Variants in SH3PXD2B observed in about 807,000 individuals in gnomAD.
SH3PXD2B encodes SH3 and PX domain-containing protein 2B.
Under a neutral mutation model 73.1 loss-of-function variants are expected in SH3PXD2B, and 37 were observed. The observed-to-expected ratio is 0.51, with a 90% CI of 0.39 to 0.67. The LOEUF (loss-of-function observed/expected upper bound fraction) is 0.67, where lower values mean the gene tolerates loss of function less well. Among genes scored for constraint, SH3PXD2B ranks in the 30% least tolerant of loss-of-function variants. The pLI is 0.00. For missense variants in SH3PXD2B, 1,053 were observed against 1,197.8 expected, an observed-to-expected ratio of 0.88 and a Z score of 1.78; for synonymous variants, 457 against 480.5, an observed-to-expected ratio of 0.95 and a Z score of 0.64.
chr5:172,399,750 C>A (rs1486259532), intron 3 of SH3PXD2B, among the ~76,000 whole-genome samples: 1 of 152,212 alleles, frequency 6.6e-6, no homozygotes, highest in East Asian at 1.9e-4. Flanking sequence ...CACTCAATCT[C>A]GCTTACACTG....
chr5:172,368,883 T>TA (rs1223210493), intron 6 of SH3PXD2B, among the ~76,000 whole-genome samples: 39 of 131,454 alleles, frequency 3.0e-4, no homozygotes, highest in Middle Eastern at 3.7e-3. Context: ...ATATATAATA[T>TA]AAAAAAAAAT....
At chr5:172,346,463 T>C (rs116315878) in intron 11 of SH3PXD2B, among the ~76,000 whole-genome samples, 1 of 151,804 alleles carries the variant, frequency 6.6e-6, no homozygotes, top group East Asian at 1.9e-4. Flanking sequence ...AGCTTTAGGG[T>C]GATGGGAAGA....
intron 2 of SH3PXD2B, among the ~76,000 whole-genome samples, chr5:172,414,456 TAAAAAAAAAAAAAAA>T (rs1007937801): frequency 3.9e-5 from 3 of 77,554 alleles, no homozygotes; most frequent in Non-Finnish European, 5.0e-5. Flanking sequence ...GACTCCATCT[TAAAAAAAAAAAAAAA>T]AAAAAAAAAA....
Position 172,350,310 on chromosome 5 carries a change from G to A in SH3PXD2B, c.1012+53C>T, listed in dbSNP as rs1051406390. The A allele has an allele frequency of 6.3e-6, 10 of 1,575,778 alleles. No homozygotes were observed. The African/African-American group carries it at 1.3e-4, about 21-fold the overall frequency. On this transcript the variant is annotated intron_variant, in intron 10 of 12. Coordinates refer to ENST00000311601, the MANE Select transcript of SH3PXD2B (RefSeq NM_001017995.3). Reference sequence around the variant, plus strand: ...GACGATGTGAGACGCCTTGAGCACAGAGCTGGCACACAGGGGCCCTGATTA... The same window carrying A: ...GACGATGTGAGACGCCTTGAGCACAAAGCTGGCACACAGGGGCCCTGATTA...
At chr5:172,403,800 CAT>C (rs1758488580) in intron 3 of SH3PXD2B, among the ~76,000 whole-genome samples, 1 of 152,256 alleles carries the variant, frequency 6.6e-6, no homozygotes, top group Admixed American at 6.5e-5. Context: ...AGGACTCTAA[CAT>C]GTGAAACCAA....
rs1756726789 is a variant in SH3PXD2B, at chr5:172,337,354, T to C, written c.*1015A>G. ...CACAGGCACTGAAGTCAGGCAGGCC[T>C]GGACTCAAATCCTCTTCCCTCTTCC... On this transcript the variant is annotated 3_prime_UTR_variant, in exon 13 of 13. Transcript: ENST00000311601. The C allele has an allele frequency of 2.0e-6, 2 of 985,200 alleles. No individual in the cohort carries two copies. The highest frequency in any genetic ancestry group is 3.5e-5 in the African/African-American group (2 of 57,242). 61.0% of individuals were successfully genotyped at this position (985,200 alleles called of 1,614,324 possible).
chr5:172,360,619 G>C (rs946753016), intron 7 of SH3PXD2B, among the ~76,000 whole-genome samples: 1 of 152,216 alleles, frequency 6.6e-6, no homozygotes, highest in Non-Finnish European at 1.5e-5. Flanking sequence ...ATCACCTGAG[G>C]TCAGTAGTTC....
rs768640465 is a variant in SH3PXD2B, at chr5:172,339,403, G to A, written c.1702C>T (p.His568Tyr). 1.9e-6 allele frequency: 3 copies of A among 1,614,080 alleles called. No individual in the cohort carries two copies. The African/African-American group carries it at 4.0e-5, about 22-fold the overall frequency. Residue 568 changes from histidine to tyrosine, a missense_variant, in exon 13 of 13, where the codon CAC (histidine) becomes TAC (tyrosine). This residue lies in a region of SH3PXD2B where 587 missense variants were observed against 590.7 expected (regional missense o/e 0.99). Transcript: ENST00000311601. This position sits in a 1 kb window ranked among gnomAD's most constrained non-coding sequence, Gnocchi z 6.1. ...CTGCTGTCCCGGGCTGGAGGGATGT[G>A]TTTGGCTGGCATCATCGGCAAAATC... ...GVILPMMPAK[H>Y]IPPARDSRRP... is the part of the protein sequence containing the mutation.
downstream of SH3PXD2B, among the ~76,000 whole-genome samples, chr5:172,332,627 CAAG>C (rs1299019218): frequency 1.3e-5 from 2 of 152,006 alleles, no homozygotes; most frequent in Admixed American, 6.6e-5. Context: ...GCAAGGTCTG[CAAG>C]AAGGTTGTTA....
At chr5:172,437,775 C>T (rs1759428126) in intron 1 of SH3PXD2B, among the ~76,000 whole-genome samples, 1 of 152,172 alleles carries the variant, frequency 6.6e-6, no homozygotes, top group South Asian at 2.1e-4. Flanking sequence ...GGGCTGTGTT[C>T]CTACTGCACT....
chr5:172,434,790 T>G (rs1295168858), intron 1 of SH3PXD2B, among the ~76,000 whole-genome samples: 1 of 150,672 alleles, frequency 6.6e-6, no homozygotes, highest in East Asian at 1.9e-4. Flanking sequence ...TGGTTTTTTT[T>G]TTTTTTTTTT....
chr5:172,372,543 G>T (rs1048756856), intron 6 of SH3PXD2B, among the ~76,000 whole-genome samples: 4 of 152,104 alleles, frequency 2.6e-5, no homozygotes, highest in African/African-American at 9.7e-5. Context: ...GTGTGAGAAT[G>T]AACTAATATA....
chr5:172,423,735 C>T (rs1243370113), intron 1 of SH3PXD2B, among the ~76,000 whole-genome samples: 3 of 152,030 alleles, frequency 2.0e-5, no homozygotes, highest in Admixed American at 6.6e-5. Context: ...CACTGCCTCC[C>T]GGGTTCAAGA....
chr5:172,418,212 G>A (rs1758871751), intron 2 of SH3PXD2B, among the ~76,000 whole-genome samples: 1 of 152,162 alleles, frequency 6.6e-6, no homozygotes, highest in East Asian at 1.9e-4. Flanking sequence ...TTGCGTAATT[G>A]GATAAGCTTG....
chr5:172,395,140 C>T (rs1414903743), intron 3 of SH3PXD2B, among the ~76,000 whole-genome samples: 2 of 152,146 alleles, frequency 1.3e-5, no homozygotes, highest in African/African-American at 2.4e-5. Context: ...GCCTGGACAC[C>T]TCCCCATGCA....
chr5:172,368,496 T>TTATA (rs370892557), intron 6 of SH3PXD2B, among the ~76,000 whole-genome samples: 1 of 5,832 alleles, frequency 1.7e-4, no homozygotes, highest in Non-Finnish European at 3.0e-4. Context: ...TATATATATA[T>TTATA]TATATATATA....
Position 172,338,005 on chromosome 5 carries a change from C to G in SH3PXD2B, c.*364G>C. 1 of 1,194,586 alleles carries G rather than the reference C, an allele frequency of 8.4e-7. No individual in the cohort carries two copies. Among genetic ancestry groups the G allele is most frequent in the South Asian group, 1.9e-5 (1 of 52,272 alleles). The allele number at this position is 1,194,586 out of a possible 1,614,324, so 74.0% of individuals were successfully genotyped here. ...GTGCCATGTCCAAGCCATGAGAGACCCTTGCTGGAGTTTCTCCAGGCAATG... is the reference window on the plus strand; with the variant it reads ...GTGCCATGTCCAAGCCATGAGAGACGCTTGCTGGAGTTTCTCCAGGCAATG... On this transcript the variant is annotated 3_prime_UTR_variant, in exon 13 of 13. Transcript: ENST00000311601. The surrounding 1 kb of genome is among the most constrained non-coding windows in gnomAD (Gnocchi z 5.1).
intron 2 of SH3PXD2B, among the ~76,000 whole-genome samples, chr5:172,411,691 A>AT (rs1758701752): frequency 6.6e-6 from 1 of 152,172 alleles, no homozygotes; most frequent in Non-Finnish European, 1.5e-5. Context: ...TGGGGAGCAC[A>AT]CCAGATGCTC....
At chr5:172,365,849 C>T (rs1407595067) in intron 6 of SH3PXD2B, among the ~76,000 whole-genome samples, 1 of 133,862 alleles carries the variant, frequency 7.5e-6, no homozygotes, top group African/African-American at 2.6e-5. Flanking sequence ...TACCTGTGTC[C>T]TGGTCACTAG....
Sources: allele counts gnomAD v4.1 joint callset (sites outside exome capture counted in the v4.1 genomes callset), GRCh38; gene constraint gnomAD v4.1.1; regional missense constraint gnomAD v4.1.1; non-coding constraint Gnocchi (gnomAD v3.1); transcripts MANE v1.5; gene names NCBI Gene and HGNC (gene_info 2026-07-23, HGNC 2026-07-21).